The following RORB variants were observed in gnomAD, a reference collection of about 807,000 sequenced individuals.
RORB encodes RAR related orphan receptor B, also known as nuclear receptor ROR-beta.
Under a neutral mutation model 59.1 loss-of-function variants are expected in RORB, and 6 were observed. The observed-to-expected ratio is 0.10, with a 90% CI of 0.06 to 0.20. The LOEUF (loss-of-function observed/expected upper bound fraction) is 0.20. Among genes scored for constraint, RORB ranks in the 10% least tolerant of loss-of-function variants. RORB has a pLI of 1.00. For missense variants in RORB, 320 were observed against 560.5 expected, an observed-to-expected ratio of 0.57 and a Z score of 4.33; for synonymous variants, 215 against 204.5, an observed-to-expected ratio of 1.05 and a Z score of -0.44.
intron 9 of RORB, among the ~76,000 whole-genome samples, chr9:74,676,500 C>A (rs544668802): frequency 6.6e-6 from 1 of 152,204 alleles, no homozygotes; most frequent in Non-Finnish European, 1.5e-5. Flanking sequence ...TAACACTCAG[C>A]GAGTACCATG....
intron 1 of RORB, among the ~76,000 whole-genome samples, chr9:74,592,933 T>A (rs1563946741): frequency 6.6e-6 from 1 of 152,062 alleles, no homozygotes; most frequent in East Asian, 1.9e-4. Context: ...TCAGAAGGCC[T>A]GCGAGGAGCT....
intron 6 of RORB, among the ~76,000 whole-genome samples, chr9:74,663,140 G>C (rs1824216501): frequency 6.6e-6 from 1 of 152,108 alleles, no homozygotes; most frequent in South Asian, 2.1e-4. Flanking sequence ...CTCTGCATAT[G>C]ACTGACTTTG....
intron 1 of RORB, among the ~76,000 whole-genome samples, chr9:74,612,894 A>G (rs772849869): frequency 3.9e-5 from 6 of 152,186 alleles, no homozygotes; most frequent in East Asian, 1.9e-4. Context: ...ACTTATCCTC[A>G]TTACCTACAG....
chr9:74,502,034 T>A (rs543197321), intron 1 of RORB, among the ~76,000 whole-genome samples: 1 of 152,308 alleles, frequency 6.6e-6, no homozygotes, highest in African/African-American at 2.4e-5. Flanking sequence ...GTGGTTTATG[T>A]GATCATTTAA....
chr9:74,510,205 A>C (rs1340254017), intron 1 of RORB, among the ~76,000 whole-genome samples: 1 of 152,152 alleles, frequency 6.6e-6, no homozygotes, highest in African/African-American at 2.4e-5. Flanking sequence ...ACTAAATTTG[A>C]CCACAGATGC....
Position 74,687,545 on chromosome 9 carries a change from G to A in RORB, c.*1927G>A, listed in dbSNP as rs1380314603. On this transcript the variant is annotated 3_prime_UTR_variant, in exon 10 of 10. Coordinates refer to ENST00000376896, the MANE Select transcript of RORB (RefSeq NM_006914.4). ...CTAAACCAATGGGGAAAAACAAAAA[G>A]GCTTTAAAATAATGAATCTGTTTCT... 1 of 152,012 alleles carries A rather than the reference G, an allele frequency of 6.6e-6. No individual in the cohort carries two copies. Among genetic ancestry groups the A allele is most frequent in the Non-Finnish European group, 1.5e-5 (1 of 67,998 alleles). 9.4% of individuals were successfully genotyped at this position (152,012 alleles called of 1,614,324 possible).
intron 1 of RORB, among the ~76,000 whole-genome samples, chr9:74,581,265 T>C (rs1171522191): frequency 2.6e-5 from 4 of 152,232 alleles, no homozygotes; most frequent in African/African-American, 9.6e-5. Context: ...CTATGACATA[T>C]AAAACAGATA....
chr9:74,550,150 A>G (rs1002192564), intron 1 of RORB, among the ~76,000 whole-genome samples: 1 of 152,164 alleles, frequency 6.6e-6, no homozygotes, highest in Admixed American at 6.5e-5. Context: ...TTTATGTTGT[A>G]CCACTGTTAA....
At chr9:74,603,425 T>C (rs1380226265) in intron 1 of RORB, among the ~76,000 whole-genome samples, 1 of 152,144 alleles carries the variant, frequency 6.6e-6, no homozygotes, top group Non-Finnish European at 1.5e-5. Flanking sequence ...GTTGATTCTG[T>C]TGACTAAGGA....
chr9:74,510,648 T>C (rs1825924899), intron 1 of RORB, among the ~76,000 whole-genome samples: 1 of 152,180 alleles, frequency 6.6e-6, no homozygotes, highest in South Asian at 2.1e-4. Flanking sequence ...CAGGTATGAA[T>C]AGGAATGTGT....
chr9:74,540,801 A>G (rs565689500), intron 1 of RORB, among the ~76,000 whole-genome samples: 1 of 152,324 alleles, frequency 6.6e-6, no homozygotes, highest in East Asian at 1.9e-4. Flanking sequence ...TCTTGTAGGT[A>G]TGCAGGTAAA....
chr9:74,512,015 T>A lies in RORB; in HGVS notation c.7+14032T>A, dbSNP rs548960368. ...ACAATAATAAGAAGAAAAATGAATT[T>A]AAAAAAACTTTTTCCATCATTGAGA... On this transcript the variant is annotated intron_variant, in intron 1 of 9. Coordinates refer to ENST00000376896, the MANE Select transcript of RORB (RefSeq NM_006914.4). Among the ~76,000 whole-genome samples, 937 of 152,078 alleles carry A rather than the reference T, an allele frequency of 6.2e-3. 16 individuals are homozygous for A. Among genetic ancestry groups the A allele is most frequent in the African/African-American group, 0.022 (903 of 41,506 alleles).
intron 4 of RORB, among the ~76,000 whole-genome samples, chr9:74,654,337 A>T (rs1027267085): frequency 4.0e-4 from 4 of 10,106 alleles, no homozygotes; most frequent in Admixed American, 2.1e-3. Flanking sequence ...CTCAGGGGAG[A>T]GAGAGAGAGA....
At chr9:74,619,507 A>G (rs548703432) in intron 1 of RORB, among the ~76,000 whole-genome samples, 108 of 152,308 alleles carry the variant, frequency 7.1e-4, no homozygotes, top group African/African-American at 2.4e-3. Context: ...GCTGGAGTGC[A>G]GTGGCGCGAT....
intron 1 of RORB, among the ~76,000 whole-genome samples, chr9:74,615,060 T>C (rs1453251007): frequency 3.3e-5 from 5 of 152,202 alleles, no homozygotes; most frequent in African/African-American, 7.2e-5. Flanking sequence ...TCCTCTGCTG[T>C]ATTAACTACT....
At chr9:74,680,169 A>C (rs1260905470) in intron 9 of RORB, among the ~76,000 whole-genome samples, 4 of 152,208 alleles carry the variant, frequency 2.6e-5, no homozygotes, top group African/African-American at 9.6e-5. Flanking sequence ...CAGGTTAAGC[A>C]AAAGTATAAA....
At chr9:74,556,803 T>C (rs574709813) in intron 1 of RORB, among the ~76,000 whole-genome samples, 4 of 152,082 alleles carry the variant, frequency 2.6e-5, no homozygotes, top group South Asian at 2.1e-4. Context: ...AATGATCTGA[T>C]AATGGAGCTG....
At chr9:74,536,067 G>A (rs749437132) in intron 1 of RORB, among the ~76,000 whole-genome samples, 1 of 151,938 alleles carries the variant, frequency 6.6e-6, no homozygotes, top group African/African-American at 2.4e-5. Context: ...AAAATATAAC[G>A]TATTTCTCTG....
chr9:74,626,631 C>T (rs73650027), intron 1 of RORB, among the ~76,000 whole-genome samples: 4,291 of 152,224 alleles, frequency 0.028, 195 homozygotes, highest in African/African-American at 0.097. Context: ...CAGTTTCCTT[C>T]TATAACCTTC....
Sources: gnomAD v4.1 joint callset for allele counts (sites outside exome capture counted in the v4.1 genomes callset) on GRCh38, gnomAD v4.1.1 for gene constraint, MANE v1.5 for transcripts, NCBI Gene and HGNC (gene_info 2026-07-23, HGNC 2026-07-21) for gene names.